Variants in OR9Q1 observed in about 807,000 individuals in gnomAD.
The protein encoded by OR9Q1 is olfactory receptor 9Q1.
For synonymous variants in OR9Q1, 153 were observed against 148.6 expected (o/e 1.03, Z -0.22); for missense variants, 374 against 378.8 (o/e 0.99, Z 0.11).
chr11:58,067,985 T>C (rs936369751), intron 2 of OR9Q1, among the ~76,000 whole-genome samples: 8 of 152,124 alleles, frequency 5.3e-5, no homozygotes, highest in Non-Finnish European at 1.0e-4. Flanking sequence ...CACCATGTCC[T>C]TTCTCACCCA....
At chr11:58,088,468 G>A (rs953300883) in intron 2 of OR9Q1, among the ~76,000 whole-genome samples, 11 of 151,808 alleles carry the variant, frequency 7.2e-5, no homozygotes, top group Non-Finnish European at 1.5e-4. Flanking sequence ...TTTCTCCACA[G>A]CCTCACCAGC....
chr11:58,099,940 T>C (rs1853767630), intron 2 of OR9Q1, among the ~76,000 whole-genome samples: 1 of 152,204 alleles, frequency 6.6e-6, no homozygotes, highest in African/African-American at 2.4e-5. Flanking sequence ...GACTATCAAC[T>C]ACTCCCAAAT....
At chr11:58,125,905 C>A (rs1159700407) in intron 2 of OR9Q1, among the ~76,000 whole-genome samples, 1 of 152,148 alleles carries the variant, frequency 6.6e-6, no homozygotes, top group Non-Finnish European at 1.5e-5. Flanking sequence ...GTGGTAATAT[C>A]AGGACTGGAA....
intron 2 of OR9Q1, among the ~76,000 whole-genome samples, chr11:58,160,630 C>CA (rs1028916044): frequency 6.6e-6 from 1 of 151,838 alleles, no homozygotes; most frequent in Non-Finnish European, 1.5e-5. Flanking sequence ...TGGCTAATTT[C>CA]AAAAAAAGAT....
At chr11:58,137,850 T>C (rs1590610116) in intron 2 of OR9Q1, among the ~76,000 whole-genome samples, 1 of 152,196 alleles carries the variant, frequency 6.6e-6, no homozygotes, top group East Asian at 1.9e-4. Flanking sequence ...CCTAGAACAG[T>C]ATTTATCATA....
At chr11:58,031,063 C>T in intron 1 of OR9Q1, 13 of 1,613,812 alleles carry the variant, frequency 8.1e-6, no homozygotes, top group Non-Finnish European at 1.0e-5. Flanking sequence ...TCACCATGTA[C>T]CTGTTCACCT....
At chr11:58,149,766 A>G (rs549183056) in intron 2 of OR9Q1, among the ~76,000 whole-genome samples, 1 of 152,218 alleles carries the variant, frequency 6.6e-6, no homozygotes, top group Non-Finnish European at 1.5e-5. Flanking sequence ...CTCAAGGTTC[A>G]TGCATTTTGT....
At chr11:58,042,692 G>A (rs1235606842) in intron 1 of OR9Q1, among the ~76,000 whole-genome samples, 1 of 152,094 alleles carries the variant, frequency 6.6e-6, no homozygotes, top group Non-Finnish European at 1.5e-5. Flanking sequence ...GAAAGTCATT[G>A]GTAGCTTGAT....
chr11:58,082,843 G>A (rs556506894), intron 2 of OR9Q1, among the ~76,000 whole-genome samples: 1 of 148,880 alleles, frequency 6.7e-6, no homozygotes, highest in South Asian at 2.2e-4. Flanking sequence ...TGTGCACAAT[G>A]TGCAGGTTAG....
chr11:58,117,229 C>T (rs1590599253), intron 2 of OR9Q1: 1 of 152,112 alleles, frequency 6.6e-6, no homozygotes, highest in African/African-American at 2.4e-5. Context: ...TTACAATATC[C>T]TCTTGAATTG....
chr11:58,175,105 CAAAAAAAAAA>C (rs57623932), intron 2 of OR9Q1, among the ~76,000 whole-genome samples: 1 of 69,298 alleles, frequency 1.4e-5, no homozygotes, highest in African/African-American at 5.9e-5. Flanking sequence ...GACTCTGTCT[CAAAAAAAAAA>C]AAAAAAAAAA....
At chr11:58,129,783 A>G (rs1391339398) in intron 2 of OR9Q1, among the ~76,000 whole-genome samples, 1 of 151,588 alleles carries the variant, frequency 6.6e-6, no homozygotes, top group Non-Finnish European at 1.5e-5. Flanking sequence ...ACCCTTCTCT[A>G]TTTCTTTATA....
intron 2 of OR9Q1, among the ~76,000 whole-genome samples, chr11:58,090,511 G>C (rs765858182): frequency 9.9e-5 from 15 of 152,144 alleles, no homozygotes; most frequent in Non-Finnish European, 2.2e-4. Context: ...GATCGTGGTG[G>C]ATAAGCTTTT....
intron 2 of OR9Q1, among the ~76,000 whole-genome samples, chr11:58,057,128 G>A (rs1404743324): frequency 6.6e-6 from 1 of 151,406 alleles, no homozygotes; most frequent in Non-Finnish European, 1.5e-5. Flanking sequence ...TGAGTAGCTG[G>A]GACTATAGAC....
intron 1 of OR9Q1, among the ~76,000 whole-genome samples, chr11:58,027,442 C>T (rs1565052367): frequency 6.6e-6 from 1 of 152,072 alleles, no homozygotes; most frequent in Non-Finnish European, 1.5e-5. Context: ...GGACCATGAG[C>T]TAAGAAAGGG....
chr11:58,068,772 A>C (rs890564654), intron 2 of OR9Q1, among the ~76,000 whole-genome samples: 3 of 152,128 alleles, frequency 2.0e-5, no homozygotes, highest in Non-Finnish European at 4.4e-5. Flanking sequence ...AGTGGTGTGA[A>C]TAGCGGCTCT....
intron 2 of OR9Q1, among the ~76,000 whole-genome samples, chr11:58,101,197 C>T (rs557648969): frequency 5.9e-5 from 9 of 151,844 alleles, no homozygotes; most frequent in East Asian, 5.8e-4. Context: ...TGTTCTGTTC[C>T]TTAAGAAATC....
intron 2 of OR9Q1, among the ~76,000 whole-genome samples, chr11:58,082,741 T>TATA (rs200062407): frequency 2.0e-3 from 255 of 125,490 alleles, no homozygotes; most frequent in African/African-American, 4.3e-3. Flanking sequence ...AAACTTAAAG[T>TATA]ATAATAATAA....
rs1194414475 is a variant in OR9Q1, at chr11:58,118,594, A to G, written c.-14-60837A>G. The G allele has an allele frequency of 4.3e-6, 7 of 1,613,904 alleles. No individual in the cohort carries two copies. The Admixed American group carries it at 1.0e-4, about 23-fold the overall frequency. On this transcript the variant is annotated intron_variant, in intron 2 of 2. Coordinates refer to ENST00000335397, the MANE Select transcript of OR9Q1 (RefSeq NM_001005212.4). ...TAAGCTGTAGATCAGAGGGTTCAGC[A>G]TGGGGATGACCACTGTATAGAAGAC...
Sources: allele counts gnomAD v4.1 joint callset (sites outside exome capture counted in the v4.1 genomes callset), GRCh38; gene constraint gnomAD v4.1.1; transcripts MANE v1.5; gene names NCBI Gene and HGNC (gene_info 2026-07-23, HGNC 2026-07-21).